Variants in RIMKLB observed in about 807,000 individuals in gnomAD.
RIMKLB encodes ribosomal modification protein rimK like family member B, also known as beta-citrylglutamate synthase B.
A neutral mutation model predicts 32.0 loss-of-function variants in RIMKLB; 7 were observed. The observed-to-expected ratio is 0.22, with a 90% confidence interval of 0.12 to 0.41. RIMKLB has a LOEUF of 0.41. Among genes scored for constraint, RIMKLB ranks in the 10% least tolerant of loss-of-function variants. The pLI, the probability that RIMKLB is intolerant of heterozygous loss-of-function variation, is 1.00. For synonymous variants in RIMKLB, 172 were observed against 185.1 expected (o/e 0.93, Z 0.57); for missense variants, 289 against 498.7 (o/e 0.58, Z 4.00).
At chr12:8,686,095 C>T (rs969792950) in intron 1 of RIMKLB, among the ~76,000 whole-genome samples, 1 of 152,092 alleles carries the variant, frequency 6.6e-6, no homozygotes, top group Non-Finnish European at 1.5e-5. Flanking sequence ...CATGAGCCAC[C>T]GCGCCCGGAC....
At chr12:8,673,126 C>T in the RIMKLB span, among the ~76,000 whole-genome samples, 3 of 152,110 alleles carry the variant, frequency 2.0e-5, no homozygotes, top group African/African-American at 7.3e-5. Flanking sequence ...AGGTGATCTA[C>T]CTGCCTTGGC....
intron 2 of RIMKLB, among the ~76,000 whole-genome samples, chr12:8,737,855 C>T (rs768345074): frequency 3.3e-5 from 5 of 152,182 alleles, no homozygotes; most frequent in Non-Finnish European, 7.4e-5. Context: ...GCTGGGATTA[C>T]AGGCATGCGC....
rs74384871 is a variant in RIMKLB at position 8,715,317 on chromosome 12, C to T, written c.175+1276C>T. Among the ~76,000 whole-genome samples, 79 of 151,496 alleles carry T rather than the reference C, an allele frequency of 5.2e-4. 3 individuals are homozygous for T. In the East Asian group the frequency reaches 0.015, roughly 29 times the overall value. Reference sequence around the variant, plus strand: ...TCAGCTCACTGCAACCTCTGCCTCCCAGGTTCAAGTAAATTCTTGTGCCTC... The same window carrying T: ...TCAGCTCACTGCAACCTCTGCCTCCTAGGTTCAAGTAAATTCTTGTGCCTC... On this transcript the variant is annotated intron_variant, in intron 2 of 5. Transcript: ENST00000535829.
intron 1 of RIMKLB, among the ~76,000 whole-genome samples, chr12:8,689,481 G>T (rs1020817194): frequency 6.6e-6 from 1 of 152,174 alleles, no homozygotes; most frequent in Admixed American, 6.5e-5. Context: ...ATAATTAATA[G>T]AAATTATATT....
intron 2 of RIMKLB, among the ~76,000 whole-genome samples, chr12:8,715,611 C>T (rs12312128): frequency 0.073 from 11,043 of 152,172 alleles, 1,298 homozygotes; most frequent in African/African-American, 0.24. Context: ...TCAGTATATA[C>T]TGCCTGGGTC....
chr12:8,723,693 AAAAT>A (rs1243105076), intron 2 of RIMKLB, among the ~76,000 whole-genome samples: 1 of 152,188 alleles, frequency 6.6e-6, no homozygotes, highest in East Asian at 1.9e-4. Flanking sequence ...AACTTAAAAA[AAAAT>A]AAACTGTTGT....
chr12:8,750,677 T>C (rs1406064914), intron 3 of RIMKLB, among the ~76,000 whole-genome samples: 3 of 152,144 alleles, frequency 2.0e-5, no homozygotes, highest in Non-Finnish European at 4.4e-5. Context: ...ATGTAAAATA[T>C]AATAAAATGA....
In RIMKLB at chr12:8,754,117, C is replaced by G. The variant is rs757782487; in HGVS notation, c.697+24C>G. 5 of 1,515,720 alleles carry G rather than the reference C, an allele frequency of 3.3e-6. No homozygotes were observed. In the South Asian group the frequency reaches 3.4e-5, roughly 10 times the overall value. The allele number at this position is 1,515,720 out of a possible 1,614,324, so 93.9% of individuals were successfully genotyped here. A position where few individuals can be genotyped will look rare whatever the true frequency, so the allele number is the denominator to read the frequency against. On this transcript the variant is annotated intron_variant, in intron 5 of 5. Coordinates refer to ENST00000535829, the MANE Select transcript of RIMKLB (RefSeq NM_001297776.2). Reference sequence around the variant, plus strand: ...AGGTAAAAATAATGCAATTATCTTTCTAGTATATAAAGTAACATTTATAAT... The same window carrying G: ...AGGTAAAAATAATGCAATTATCTTTGTAGTATATAAAGTAACATTTATAAT...
At chr12:8,749,746 A>G (rs1948463726) in intron 2 of RIMKLB, 116 bp from the exon 3 acceptor site, 2 of 679,110 alleles carry the variant, frequency 2.9e-6, no homozygotes, top group East Asian at 5.5e-5. Flanking sequence ...ATCCCAATTT[A>G]ATATTAACAA....
At chr12:8,771,759 C>T (rs1592017421) in intron 5 of RIMKLB, among the ~76,000 whole-genome samples, 1 of 152,114 alleles carries the variant, frequency 6.6e-6, no homozygotes, top group African/African-American at 2.4e-5. Flanking sequence ...TTTTAGTCAG[C>T]AGACTAAATT....
In RIMKLB at chr12:8,707,899, TAG is replaced by T. The variant is rs1162164665; in HGVS notation, c.-56-5911_-56-5910del. Among the ~76,000 whole-genome samples the T allele has an allele frequency of 8.5e-5, 13 of 152,364 alleles. No homozygotes were observed. The South Asian group carries it at 2.7e-3, about 32-fold the overall frequency. ...CCCGTGATTCCTATCCAAGAGGGGA[TAG>T]TGTTGAAAACAAGTCTTTAGTATTA... On this transcript the variant is annotated intron_variant, in intron 1 of 5. Transcript: ENST00000535829.
chr12:8,773,553 C>T lies in RIMKLB; in HGVS notation c.930C>T (p.Gly310=). ...ADYAASLLPS[G]RLTRRMSLLS... is the part of the protein sequence containing the mutation. ...ATGCCGCCTCCCTTCTACCCTCTGG[C>T]CGGCTCACCCGGCGTATGTCCCTGC... Residue 310 remains glycine, a synonymous_variant, in exon 6 of 6, where the codon GGC becomes GGT. Coordinates refer to ENST00000535829, the MANE Select transcript of RIMKLB (RefSeq NM_001297776.2). 6.2e-7 allele frequency: 1 copy of T among 1,614,264 alleles called. No individual in the cohort carries two copies. The highest frequency in any genetic ancestry group is 8.5e-7 in the Non-Finnish European group (1 of 1,180,046).
chr12:8,739,196 G>A (rs1311393435), intron 2 of RIMKLB, among the ~76,000 whole-genome samples: 2 of 152,130 alleles, frequency 1.3e-5, no homozygotes, highest in Non-Finnish European at 2.9e-5. Context: ...AGGCTGGTAA[G>A]TTCGATATCA....
At chr12:8,675,649 A>G in the RIMKLB span, among the ~76,000 whole-genome samples, 1 of 152,256 alleles carries the variant, frequency 6.6e-6, no homozygotes, top group African/African-American at 2.4e-5. Flanking sequence ...GAAGTCAGGA[A>G]GTTAAGGGTT....
At chr12:8,693,123 A>AC (rs1942780293), upstream of RIMKLB, among the ~76,000 whole-genome samples, 1 of 152,202 alleles carries the variant, frequency 6.6e-6, no homozygotes. Context: ...GATGATGTGT[A>AC]TAGGGCACTT....
intron 1 of RIMKLB, among the ~76,000 whole-genome samples, chr12:8,687,579 C>T (rs1942612203): frequency 6.6e-6 from 1 of 152,106 alleles, no homozygotes; most frequent in Non-Finnish European, 1.5e-5. Flanking sequence ...CTTTGTAAGT[C>T]CCCAAGTTGC....
At chr12:8,762,416 A>G (rs1949605976) in intron 5 of RIMKLB, among the ~76,000 whole-genome samples, 1 of 150,692 alleles carries the variant, frequency 6.6e-6, no homozygotes, top group Non-Finnish European at 1.5e-5. Flanking sequence ...AGCATTTCTA[A>G]TGGAGGGTCC....
intron 5 of RIMKLB, among the ~76,000 whole-genome samples, chr12:8,768,832 T>C (rs1950179046): frequency 6.6e-6 from 1 of 152,242 alleles, no homozygotes. Flanking sequence ...CAAAGAGTTT[T>C]GTGAGATATT....
chr12:8,671,436 G>C, the RIMKLB span, among the ~76,000 whole-genome samples: 2,018 of 152,002 alleles, frequency 0.013, 43 homozygotes, highest in African/African-American at 0.046. Context: ...TTTTAGTAGA[G>C]ACAGGGTTTC....
Sources: allele counts gnomAD v4.1 joint callset (sites outside exome capture counted in the v4.1 genomes callset), GRCh38; gene constraint gnomAD v4.1.1; transcripts MANE v1.5; gene names NCBI Gene and HGNC (gene_info 2026-07-23, HGNC 2026-07-21).